STK36: variants seen among roughly 807,000 people sequenced by gnomAD.
STK36 encodes serine/threonine kinase 36, also known as serine/threonine-protein kinase 36.
Under a neutral mutation model 142.2 loss-of-function variants are expected in STK36, and 116 were observed. That is an observed-to-expected ratio of 0.82 (90% CI 0.70 to 0.95). STK36 has a LOEUF of 0.95. STK36 is among the 40% of genes least tolerant of loss of function. The probability of loss-of-function intolerance (pLI) is 0.00; values close to 1 mark genes in which losing one functional copy is unlikely to be tolerated. For synonymous variants in STK36, 619 were observed against 641.7 expected (o/e 0.96, Z 0.53); for missense variants, 1,422 against 1,617.2 (o/e 0.88, Z 2.07).
In STK36 at chr2:218,699,227, T is replaced by G; in HGVS notation, c.3683T>G (p.Leu1228Arg). Residue 1228 changes from leucine to arginine, a missense_variant, in exon 26 of 27, where the codon CTG (leucine) becomes CGG (arginine). By Grantham distance (102) the Leu-to-Arg change is moderately radical. Transcript: ENST00000295709. The stretch of plus-strand genomic sequence containing the variant: ...GGACCTGAAGGTTTGGGAGAGGAGC[T>G]GTTACAGTGCGAAGTACCCCAGCGG... ...NLGPEGLGEE[L>R]LQCEVPQRLL... 1 of 1,613,958 alleles carries G rather than the reference T, an allele frequency of 6.2e-7. No individual in the cohort carries two copies. Among genetic ancestry groups the G allele is most frequent in the Non-Finnish European group, 8.5e-7 (1 of 1,180,006 alleles).
At chr2:218,677,390 A>T (rs1940305422) in intron 6 of STK36, among the ~76,000 whole-genome samples, 1 of 152,218 alleles carries the variant, frequency 6.6e-6, no homozygotes, top group African/African-American at 2.4e-5. Flanking sequence ...GGACGGGGAC[A>T]CAAATCCAAA....
Position 218,690,527 on chromosome 2 carries a change from A to T in STK36, c.1736A>T (p.Glu579Val). Residue 579 changes from glutamate to valine, a missense_variant, in exon 14 of 27, where the codon GAG becomes GTG. Glu to Val is a moderately radical substitution (Grantham distance 121). Coordinates refer to ENST00000295709, the MANE Select transcript of STK36 (RefSeq NM_015690.5). ...GKLLAQPDDS[E>V]QTLRRDSLMC... ...CTGCTGGCCCAACCAGATGACTCTG[A>T]GCAGACTTTGCGGAGGGACAGCCTT... 1.2e-6 allele frequency: 2 copies of T among 1,614,186 alleles called. No individual in the cohort carries two copies. The highest frequency in any genetic ancestry group is 1.7e-6 in the Non-Finnish European group (2 of 1,180,030).
rs1397910290 is a variant in STK36, at chr2:218,697,988, C to G, written c.3044C>G (p.Ala1015Gly). The G allele has an allele frequency of 3.1e-6, 5 of 1,614,146 alleles. No homozygotes were observed. Among genetic ancestry groups the G allele is most frequent in the Non-Finnish European group, 3.4e-6 (4 of 1,180,032 alleles). The change falls in exon 25 of 27, where the codon GCC becomes GGC. Residue 1015 changes from alanine to glycine, a missense_variant. Ala to Gly is a moderately conservative substitution (Grantham distance 60). Around this residue, in one of 2 missense-constraint regions of STK36, gnomAD observed 962 missense variants for 1,167.5 expected, o/e 0.82. Coordinates refer to ENST00000295709, the MANE Select transcript of STK36 (RefSeq NM_015690.5). ...LADLRDSEVAAHLLQVCCYHL... is the reference protein window; with the variant it reads ...LADLRDSEVAGHLLQVCCYHL... ...GACCTCAGGGACTCAGAAGTTGCAG[C>G]CCATCTGCTGCAGGTACTTGGGCAG...
intron 21 of STK36, among the ~76,000 whole-genome samples, chr2:218,695,002 G>A (rs1446286598): frequency 6.6e-6 from 1 of 152,110 alleles, no homozygotes; most frequent in Non-Finnish European, 1.5e-5. Flanking sequence ...ACCTCTGACT[G>A]CAGCTTCCAC....
intron 25 of STK36, 29 bp from the exon 26 acceptor site, chr2:218,698,573 C>T (rs1294420708): frequency 4.4e-6 from 7 of 1,603,624 alleles, no homozygotes; most frequent in Non-Finnish European, 5.1e-6. Flanking sequence ...CTCTCTCTCC[C>T]TGAATCCTTT....
At chr2:218,692,332 T>G in intron 15 of STK36, 39 bp downstream of exon 15, 1 of 1,611,894 alleles carries the variant, frequency 6.2e-7, no homozygotes, top group East Asian at 2.2e-5. Flanking sequence ...TTGACTTACT[T>G]GTTGCATAGG....
Position 218,698,885 on chromosome 2 carries a change from T to C in STK36, c.3341T>C (p.Leu1114Pro). 1 of 1,614,202 alleles carries C rather than the reference T, an allele frequency of 6.2e-7. No individual in the cohort carries two copies. The highest frequency in any genetic ancestry group is 8.5e-7 in the Non-Finnish European group (1 of 1,180,034). The part of the protein sequence containing the change: ...LAGSDESYRP[L>P]RSLLGHPENS... Reference sequence around the variant, plus strand: ...GGCTCTGATGAATCCTATCGGCCCCTGCGCAGCCTCCTGGGCCACCCAGAG... The same window carrying C: ...GGCTCTGATGAATCCTATCGGCCCCCGCGCAGCCTCCTGGGCCACCCAGAG... The change falls in exon 26 of 27, where the codon CTG (leucine) becomes CCG (proline). Residue 1114 changes from leucine to proline, a missense_variant. Coordinates refer to ENST00000295709, the MANE Select transcript of STK36 (RefSeq NM_015690.5).
At chr2:218,679,351 C>G in intron 7 of STK36, 90 bp downstream of exon 7, 1 of 1,385,394 alleles carries the variant, frequency 7.2e-7, no homozygotes, top group Non-Finnish European at 1.0e-6. Flanking sequence ...CTAGATATAA[C>G]ATGTCGTCTT....
rs1415155570 is a variant in STK36 at position 218,693,180 on chromosome 2, T to C, written c.2044-60T>C. 7 of 1,418,088 alleles carry C rather than the reference T, an allele frequency of 4.9e-6. No homozygotes were observed. The Admixed American group carries it at 5.2e-5, about 11-fold the overall frequency. The allele number at this position is 1,418,088 out of a possible 1,614,324, so 87.8% of individuals were successfully genotyped here. ...GAGAGTCCTGATCATTTTGGACATATGTGAGGAATAGGGTTGTAATCATGT... is the reference window on the plus strand; with the variant it reads ...GAGAGTCCTGATCATTTTGGACATACGTGAGGAATAGGGTTGTAATCATGT... On this transcript the variant is annotated intron_variant, in intron 16 of 26. Transcript: ENST00000295709.
At chr2:218,679,769 A>G in intron 8 of STK36, 40 bp downstream of exon 8, 1 of 1,613,052 alleles carries the variant, frequency 6.2e-7, no homozygotes. Context: ...TGACCAGGCT[A>G]GTGACTGGGG....
At position 218,699,036 on chromosome 2, in the gene STK36, G is replaced by C; in HGVS notation, c.3492G>C (p.Lys1164Asn). 6.2e-7 allele frequency: 1 copy of C among 1,614,160 alleles called. No homozygotes were observed. Among genetic ancestry groups the C allele is most frequent in the Non-Finnish European group, 8.5e-7 (1 of 1,180,036 alleles). Reference sequence around the variant, plus strand: ...TTCTGCTGCTTGGGCTTGGAGACAAGGATCCTGTTGTGCGGTGCAGTGCCA... The same window carrying C: ...TTCTGCTGCTTGGGCTTGGAGACAACGATCCTGTTGTGCGGTGCAGTGCCA... ...LSLLLLGLGD[K>N]DPVVRCSASF... The change falls in exon 26 of 27, where the codon AAG (lysine) becomes AAC (asparagine). Residue 1164 changes from lysine to asparagine, a missense_variant. By Grantham distance (94) the Lys-to-Asn change is moderately conservative (BLOSUM62 0). Transcript: ENST00000295709.
Position 218,679,640 on chromosome 2 carries a change from G to C in STK36, c.859G>C (p.Glu287Gln), listed in dbSNP as rs200641440. The part of the protein sequence containing the change: ...LPPELQVLKD[E>Q]QAHRLAPKGN... The stretch of plus-strand genomic sequence containing the variant: ...CCCAGAACTTCAGGTCCTAAAGGAC[G>C]AACAGGCCCATCGGTTGGCCCCCAA... The change falls in exon 8 of 27, where the codon GAA becomes CAA. Residue 287 changes from glutamate to glutamine, a missense_variant. Physicochemically the swap from Glu to Gln is conservative, Grantham distance 29 (BLOSUM62 2). Coordinates refer to ENST00000295709, the MANE Select transcript of STK36 (RefSeq NM_015690.5). 6.2e-7 allele frequency: 1 copy of C among 1,614,144 alleles called. No homozygotes were observed. Among genetic ancestry groups the C allele is most frequent in the Non-Finnish European group, 8.5e-7 (1 of 1,180,018 alleles).
chr2:218,685,579 T>C (rs909859386), intron 11 of STK36, among the ~76,000 whole-genome samples: 1 of 152,190 alleles, frequency 6.6e-6, no homozygotes, highest in Non-Finnish European at 1.5e-5. Context: ...ATTAAAAATA[T>C]AAATGTAACA....
At position 218,694,512 on chromosome 2, in the gene STK36, A is replaced by G; in HGVS notation, c.2401-13A>G. ...ATTTGGACATTCTTTCTCCTCTTTTACCTCTCCCACAGAGTGCAGCAGCCT... is the reference window on the plus strand; with the variant it reads ...ATTTGGACATTCTTTCTCCTCTTTTGCCTCTCCCACAGAGTGCAGCAGCCT... On this transcript the variant is annotated splice_polypyrimidine_tract_variant and intron_variant, in intron 20 of 26. Transcript: ENST00000295709. The surrounding 1 kb of genome is among the most constrained non-coding windows in gnomAD (Gnocchi z 4.4). The G allele has an allele frequency of 6.2e-7, 1 of 1,612,104 alleles. No homozygotes were observed. Among genetic ancestry groups the G allele is most frequent in the Non-Finnish European group, 8.5e-7 (1 of 1,178,476 alleles).
intron 12 of STK36, among the ~76,000 whole-genome samples, 153 bp from the exon 13 acceptor site, chr2:218,689,706 A>T (rs1295253153): frequency 6.6e-6 from 1 of 152,130 alleles, no homozygotes; most frequent in Non-Finnish European, 1.5e-5. Context: ...ATTCTCTGTT[A>T]CCCCTAGAAC....
chr2:218,676,260 C>T lies in STK36; in HGVS notation c.666C>T (p.Thr222=). 6.2e-7 allele frequency: 1 copy of T among 1,614,194 alleles called. No homozygotes were observed. The highest frequency in any genetic ancestry group is 8.5e-7 in the Non-Finnish European group (1 of 1,180,034). The change falls in exon 6 of 27, where the codon ACC becomes ACT. Residue 222 remains threonine, a synonymous_variant. Transcript: ENST00000295709. ...ILKDPVRWPS[T]ISPCFKNFLQ... ...AGGACCCTGTGCGCTGGCCCTCAACCATCAGTCCCTGCTTTAAGGTAATGA... is the reference window on the plus strand; with the variant it reads ...AGGACCCTGTGCGCTGGCCCTCAACTATCAGTCCCTGCTTTAAGGTAATGA...
At chr2:218,690,408 A>G in intron 13 of STK36, 42 bp from the exon 14 acceptor site, 2 of 1,534,976 alleles carry the variant, frequency 1.3e-6, no homozygotes, top group Non-Finnish European at 1.8e-6. Flanking sequence ...CCAGGCTTTT[A>G]GTAGAGAGAT....
At chr2:218,701,406 CG>C (rs1941439372) in intron 26 of STK36, among the ~76,000 whole-genome samples, 1 of 151,766 alleles carries the variant, frequency 6.6e-6, no homozygotes, top group African/African-American at 2.4e-5. Context: ...TCCCAAAGTA[CG>C]GGATTACAGG....
At chr2:218,689,095 G>A (rs1288304741) in intron 12 of STK36, among the ~76,000 whole-genome samples, 1 of 152,112 alleles carries the variant, frequency 6.6e-6, no homozygotes, top group African/African-American at 2.4e-5. Context: ...ATGAGTTGTG[G>A]GGAATATGAT....
Sources: allele counts gnomAD v4.1 joint callset (sites outside exome capture counted in the v4.1 genomes callset), GRCh38; gene constraint gnomAD v4.1.1; regional missense constraint gnomAD v4.1.1; non-coding constraint Gnocchi (gnomAD v3.1); transcripts MANE v1.5; gene names NCBI Gene and HGNC (gene_info 2026-07-23, HGNC 2026-07-21).